MIPOL1: variants seen among roughly 807,000 people sequenced by gnomAD.
The protein encoded by MIPOL1 is mirror-image polydactyly 1, also known as mirror-image polydactyly gene 1 protein.
MIPOL1 carries 57 observed loss-of-function variants against 60.9 expected under a neutral mutation model. The observed-to-expected ratio is 0.94, with a 90% CI of 0.76 to 1.17. The LOEUF (loss-of-function observed/expected upper bound fraction) is 1.17. MIPOL1 is among the 50% of genes most tolerant of loss of function. The pLI is 0.00. For synonymous variants in MIPOL1, 179 were observed against 168.8 expected, an observed-to-expected ratio of 1.06 and a Z score of -0.47; for missense variants, 551 against 511.6, an observed-to-expected ratio of 1.08 and a Z score of -0.74.
At chr14:37,232,358 TC>T (rs1318050515) in intron 1 of MIPOL1, among the ~76,000 whole-genome samples, 1 of 152,202 alleles carries the variant, frequency 6.6e-6, no homozygotes, top group Non-Finnish European at 1.5e-5. Context: ...CAGTGTACTC[TC>T]TGTCCCTTAT....
rs1388140157 is a variant in MIPOL1, at chr14:37,451,821, T to TC, written c.1031+28872_1031+28873insC. Among the ~76,000 whole-genome samples, 3 of 133,754 alleles carry TC rather than the reference T, an allele frequency of 2.2e-5. 1 individual carries two copies. The highest frequency in any genetic ancestry group is 1.0e-4 in the African/African-American group (3 of 29,328). The allele number at this position is 133,754 out of a possible 152,430, so 87.7% of individuals were successfully genotyped here. A position where few individuals can be genotyped will look rare whatever the true frequency, so the allele number is the denominator to read the frequency against. ...TGTTTATTCTCTCTTTTTTTTTTTTTTTTTTTTTTTTGAGACGGAGTCTCG... is the reference window on the plus strand; with the variant it reads ...TGTTTATTCTCTCTTTTTTTTTTTTTCTTTTTTTTTTTGAGACGGAGTCTCG... On this transcript the variant is annotated intron_variant, in intron 11 of 12. Coordinates refer to ENST00000684589, the MANE Select transcript of MIPOL1 (RefSeq NM_001388067.1).
intron 4 of MIPOL1, among the ~76,000 whole-genome samples, chr14:37,267,471 G>C (rs2082967197): frequency 6.6e-6 from 1 of 150,948 alleles, no homozygotes; most frequent in Admixed American, 6.6e-5. Context: ...CTAGGCAACA[G>C]AGCAAGATTG....
At chr14:37,388,573 A>G (rs1195166271) in intron 10 of MIPOL1, among the ~76,000 whole-genome samples, 1 of 151,000 alleles carries the variant, frequency 6.6e-6, no homozygotes, top group Non-Finnish European at 1.5e-5. Context: ...GCATTTTGAC[A>G]TATATGTCCA....
At chr14:37,304,445 GAT>G (rs1387233449) in intron 7 of MIPOL1, among the ~76,000 whole-genome samples, 1 of 151,674 alleles carries the variant, frequency 6.6e-6, no homozygotes, top group Non-Finnish European at 1.5e-5. Context: ...CAGCTTTTCA[GAT>G]CATGATACCT....
chr14:37,391,095 G>T (rs1006160631), intron 10 of MIPOL1, among the ~76,000 whole-genome samples: 1 of 152,024 alleles, frequency 6.6e-6, no homozygotes, highest in African/African-American at 2.4e-5. Context: ...AATAACAGAA[G>T]TCAAAAGAGA....
intron 9 of MIPOL1, among the ~76,000 whole-genome samples, chr14:37,333,158 C>T (rs1443391553): frequency 6.6e-6 from 1 of 151,944 alleles, no homozygotes; most frequent in African/African-American, 2.4e-5. Flanking sequence ...CAAATGGTTC[C>T]GTGTGTAATC....
intron 7 of MIPOL1, among the ~76,000 whole-genome samples, chr14:37,305,602 A>G (rs185839557): frequency 1.1e-3 from 171 of 151,850 alleles, no homozygotes; most frequent in African/African-American, 1.3e-3. Context: ...GACATAATCT[A>G]TCTTTAATAT....
chr14:37,496,995 C>A (rs2095141146), intron 11 of MIPOL1, among the ~76,000 whole-genome samples: 1 of 151,342 alleles, frequency 6.6e-6, no homozygotes. Context: ...AGAAATAACA[C>A]CGCATAGATC....
chr14:37,431,565 G>GTTTT (rs1566592834), intron 11 of MIPOL1, among the ~76,000 whole-genome samples: 14 of 40,032 alleles, frequency 3.5e-4, no homozygotes, highest in East Asian at 1.8e-3. Context: ...TGCCATCTCT[G>GTTTT]TTTCTTTTTT....
chr14:37,225,807 G>A (rs1245305055), intron 1 of MIPOL1, among the ~76,000 whole-genome samples: 8 of 152,048 alleles, frequency 5.3e-5, no homozygotes, highest in East Asian at 1.9e-4. Context: ...GTGGTCAGGC[G>A]GCAAATTGTC....
At chr14:37,237,799 T>G (rs1435441063) in intron 1 of MIPOL1, among the ~76,000 whole-genome samples, 1 of 152,140 alleles carries the variant, frequency 6.6e-6, no homozygotes, top group Non-Finnish European at 1.5e-5. Flanking sequence ...GATTGCTGTT[T>G]AAGGAAGGAG....
At chr14:37,279,298 A>G (rs2083910336) in intron 6 of MIPOL1, among the ~76,000 whole-genome samples, 1 of 150,640 alleles carries the variant, frequency 6.6e-6, no homozygotes, top group Non-Finnish European at 1.5e-5. Flanking sequence ...ATTTAATAAA[A>G]AGAAAGAAGC....
chr14:37,353,570 G>T (rs2091569759), intron 9 of MIPOL1, among the ~76,000 whole-genome samples: 1 of 151,698 alleles, frequency 6.6e-6, no homozygotes, highest in Admixed American at 6.6e-5. Flanking sequence ...ATTGATTATT[G>T]CCACAATTTC....
chr14:37,231,940 G>T (rs1156425346), intron 1 of MIPOL1, among the ~76,000 whole-genome samples: 1 of 151,920 alleles, frequency 6.6e-6, no homozygotes, highest in African/African-American at 2.4e-5. Context: ...AAAGTAGCCG[G>T]ATATGGTGGT....
intron 6 of MIPOL1, chr14:37,278,057 TCAGAAAAAGTTATTTACA>T (rs1307203947): frequency 6.6e-6 from 1 of 151,588 alleles, no homozygotes; most frequent in Non-Finnish European, 1.5e-5. Flanking sequence ...TACTGTTTAA[TCAGAAAAAGTTATTTACA>T]AAGTAATTGT....
In MIPOL1 at chr14:37,548,250, T is replaced by C. The variant is rs2095553082; in HGVS notation, c.*1279T>C. Reference sequence around the variant, plus strand: ...TACAGGATAAGTACATTCAGGACAATTTATTGTACCATTCTTTCATATACC... The same window carrying C: ...TACAGGATAAGTACATTCAGGACAACTTATTGTACCATTCTTTCATATACC... On this transcript the variant is annotated 3_prime_UTR_variant, in exon 13 of 13. Coordinates refer to ENST00000684589, the MANE Select transcript of MIPOL1 (RefSeq NM_001388067.1). The C allele has an allele frequency of 6.6e-6, 1 of 152,050 alleles. No individual in the cohort carries two copies. Among genetic ancestry groups the C allele is most frequent in the Non-Finnish European group, 1.5e-5 (1 of 67,888 alleles). 9.4% of individuals were successfully genotyped at this position (152,050 alleles called of 1,614,324 possible).
intron 1 of MIPOL1, among the ~76,000 whole-genome samples, chr14:37,203,120 GTAT>G (rs1965577480): frequency 2.6e-5 from 4 of 152,104 alleles, no homozygotes; most frequent in Admixed American, 2.0e-4. Flanking sequence ...TGTCAGCATT[GTAT>G]TATTATTCTC....
At chr14:37,298,199 GA>G (rs2085962155) in intron 7 of MIPOL1, among the ~76,000 whole-genome samples, 1 of 152,180 alleles carries the variant, frequency 6.6e-6, no homozygotes, top group Non-Finnish European at 1.5e-5. Context: ...AAGCAATGGG[GA>G]AAGGATTCCC....
intron 3 of MIPOL1, among the ~76,000 whole-genome samples, chr14:37,259,415 A>G (rs2082358848): frequency 6.6e-6 from 1 of 152,004 alleles, no homozygotes; most frequent in Non-Finnish European, 1.5e-5. Context: ...TAATAAAAAC[A>G]AATTAGCCAG....
Sources: allele counts gnomAD v4.1 joint callset (sites outside exome capture counted in the v4.1 genomes callset), GRCh38; gene constraint gnomAD v4.1.1; transcripts MANE v1.5; gene names NCBI Gene and HGNC (gene_info 2026-07-23, HGNC 2026-07-21).